Variants in MACROD2 observed in about 807,000 individuals in gnomAD.
MACROD2 encodes ADP-ribose glycohydrolase MACROD2.
Under a neutral mutation model 70.4 loss-of-function variants are expected in MACROD2, and 36 were observed. That is an observed-to-expected ratio of 0.51 (90% CI 0.39 to 0.68). The LOEUF is 0.68. Ranked by LOEUF, MACROD2 falls within the 30% of genes least tolerant of loss-of-function variation. The pLI is 0.00. For missense variants in MACROD2, 496 were observed against 538.4 expected, an observed-to-expected ratio of 0.92 and a Z score of 0.78; for synonymous variants, 172 against 178.8, an observed-to-expected ratio of 0.96 and a Z score of 0.30.
intron 9 of MACROD2, among the ~76,000 whole-genome samples, chr20:15,882,908 A>G (rs1401273300): frequency 2.0e-5 from 3 of 152,050 alleles, no homozygotes; most frequent in Non-Finnish European, 2.9e-5. Context: ...TACATACAAG[A>G]AGACTTCCAA....
intron 4 of MACROD2, among the ~76,000 whole-genome samples, chr20:14,602,285 AG>A (rs1388660230): frequency 6.6e-6 from 1 of 152,150 alleles, no homozygotes; most frequent in East Asian, 1.9e-4. Flanking sequence ...CCCTATCCTG[AG>A]GTACTGTTTG....
intron 5 of MACROD2, among the ~76,000 whole-genome samples, chr20:15,206,721 G>GTTTTTTTTTTTGT (rs2076707445): frequency 9.1e-5 from 3 of 32,990 alleles, no homozygotes; most frequent in Admixed American, 1.0e-3. Context: ...TATTATCTAT[G>GTTTTTTTTTTTGT]TTTTTTTTTT....
At chr20:15,774,320 T>A (rs1159836426) in intron 8 of MACROD2, among the ~76,000 whole-genome samples, 1 of 152,272 alleles carries the variant, frequency 6.6e-6, no homozygotes, top group East Asian at 1.9e-4. Flanking sequence ...TTCAAAATGC[T>A]CCCCTGTAGT....
At chr20:14,539,669 AG>A (rs1219258828) in intron 4 of MACROD2, among the ~76,000 whole-genome samples, 1 of 152,246 alleles carries the variant, frequency 6.6e-6, no homozygotes, top group African/African-American at 2.4e-5. Context: ...AAAATTAAAA[AG>A]ATGCATTCAA....
At chr20:15,307,017 A>C (rs1207406316) in intron 6 of MACROD2, among the ~76,000 whole-genome samples, 4 of 152,070 alleles carry the variant, frequency 2.6e-5, no homozygotes, top group African/African-American at 9.7e-5. Context: ...AATGAGAAAC[A>C]GGGGTCTCTT....
At chr20:14,951,857 C>T (rs987181488) in intron 5 of MACROD2, among the ~76,000 whole-genome samples, 3 of 151,956 alleles carry the variant, frequency 2.0e-5, no homozygotes, top group Non-Finnish European at 4.4e-5. Flanking sequence ...TCTTTCCTCC[C>T]GTGTTTTTCC....
At chr20:14,332,750 G>A (rs1223082926) in intron 3 of MACROD2, among the ~76,000 whole-genome samples, 2 of 151,982 alleles carry the variant, frequency 1.3e-5, no homozygotes, top group African/African-American at 4.8e-5. Context: ...TGAGACTAAA[G>A]AAAACACATG....
chr20:15,947,606 T>C (rs1203619664), intron 12 of MACROD2, among the ~76,000 whole-genome samples: 1 of 152,182 alleles, frequency 6.6e-6, no homozygotes, highest in African/African-American at 2.4e-5. Flanking sequence ...GTTTCTTATG[T>C]CTTCCCTTTC....
At chr20:15,907,651 C>T (rs532060581) in intron 10 of MACROD2, among the ~76,000 whole-genome samples, 43 of 152,286 alleles carry the variant, frequency 2.8e-4, no homozygotes, top group African/African-American at 9.4e-4. Context: ...CACATTTCTA[C>T]GCTGATGACA....
At chr20:15,978,649 G>A (rs1601257039) in intron 13 of MACROD2, among the ~76,000 whole-genome samples, 1 of 149,778 alleles carries the variant, frequency 6.7e-6, no homozygotes, top group Non-Finnish European at 1.5e-5. Context: ...ACAACTTTGA[G>A]TGGCAATGGG....
At chr20:15,676,142 T>C (rs990432329) in intron 8 of MACROD2, among the ~76,000 whole-genome samples, 1 of 152,240 alleles carries the variant, frequency 6.6e-6, no homozygotes, top group Non-Finnish European at 1.5e-5. Flanking sequence ...TTATTCATGT[T>C]AAGCTCATCT....
intron 3 of MACROD2, among the ~76,000 whole-genome samples, chr20:14,458,612 A>G (rs1344668440): frequency 2.0e-5 from 3 of 151,930 alleles, no homozygotes; most frequent in African/African-American, 7.3e-5. Context: ...AGTGTGGTGT[A>G]CTCTGAGAGG....
intron 3 of MACROD2, among the ~76,000 whole-genome samples, chr20:14,193,136 G>T (rs1454579230): frequency 6.6e-6 from 1 of 152,180 alleles, no homozygotes; most frequent in Admixed American, 6.5e-5. Context: ...CCATCACACA[G>T]AAACTCTGGA....
chr20:14,018,899 G>T lies in MACROD2; in HGVS notation c.163+16495G>T, dbSNP rs149667445. 7.5e-3 allele frequency among the ~76,000 whole-genome samples: 1,140 copies of T among 152,330 alleles called. 13 individuals are homozygous for T. Among genetic ancestry groups the T allele is most frequent in the African/African-American group, 0.026 (1,061 of 41,578 alleles). The stretch of plus-strand genomic sequence containing the variant: ...GACTAGCAAGGAGAGAGGAGGCAGT[G>T]CTCGAATCTGTCTCCTTAAGCTAGG... On this transcript the variant is annotated intron_variant, in intron 2 of 17. Transcript: ENST00000684519.
In MACROD2 at chr20:14,733,931, C is replaced by T. The variant is rs186019671; in HGVS notation, c.418+48972C>T. Among the ~76,000 whole-genome samples the T allele has an allele frequency of 2.0e-5, 3 of 152,122 alleles. No individual in the cohort carries two copies. The South Asian group carries it at 6.2e-4, about 32-fold the overall frequency. On this transcript the variant is annotated intron_variant, in intron 5 of 17. Coordinates refer to ENST00000684519, the MANE Select transcript of MACROD2 (RefSeq NM_001351661.2). ...GCTTAACCTCTTAATGCCTTAGTTTCCCCATTTGTATATTGAGGATAATCG... is the reference window on the plus strand; with the variant it reads ...GCTTAACCTCTTAATGCCTTAGTTTTCCCATTTGTATATTGAGGATAATCG...
At chr20:14,112,318 A>G (rs1331009769) in intron 3 of MACROD2, among the ~76,000 whole-genome samples, 4 of 152,166 alleles carry the variant, frequency 2.6e-5, no homozygotes, top group African/African-American at 2.4e-5. Flanking sequence ...CAGAGTGACT[A>G]TAGTCAATAG....
intron 4 of MACROD2, among the ~76,000 whole-genome samples, chr20:14,669,287 C>G (rs778333159): frequency 6.6e-6 from 1 of 152,074 alleles, no homozygotes; most frequent in Non-Finnish European, 1.5e-5. Context: ...AAAAGGTTTG[C>G]CAAAACAGAT....
At chr20:15,635,888 C>A (rs2049356289) in intron 8 of MACROD2, among the ~76,000 whole-genome samples, 2 of 151,606 alleles carry the variant, frequency 1.3e-5, no homozygotes, top group Admixed American at 1.3e-4. Context: ...GCCAACATGG[C>A]AAAACCCCAT....
chr20:15,729,063 A>G lies in MACROD2; in HGVS notation c.646-133682A>G, dbSNP rs1460943399. 2.0e-5 allele frequency among the ~76,000 whole-genome samples: 3 copies of G among 152,150 alleles called. No homozygotes were observed. The East Asian group carries it at 5.8e-4, about 29-fold the overall frequency. The stretch of plus-strand genomic sequence containing the variant: ...TAACATTACTTCAGCTATGTCCCAG[A>G]GATTCTGGTATATTGTATCTTTGTT... On this transcript the variant is annotated intron_variant, in intron 8 of 17. Transcript: ENST00000684519.
Sources: allele counts gnomAD v4.1 joint callset (sites outside exome capture counted in the v4.1 genomes callset), GRCh38; gene constraint gnomAD v4.1.1; transcripts MANE v1.5; gene names NCBI Gene and HGNC (gene_info 2026-07-23, HGNC 2026-07-21).